Variants in PHYHIPL observed in about 807,000 individuals in gnomAD.
PHYHIPL encodes phytanoyl-CoA hydroxylase-interacting protein-like.
PHYHIPL carries 9 observed loss-of-function variants against 33.4 expected under a neutral mutation model. That is an observed-to-expected ratio of 0.27 (90% CI 0.16 to 0.47). PHYHIPL has a LOEUF of 0.47. Ranked by LOEUF, PHYHIPL falls within the 20% of genes least tolerant of loss-of-function variation. The pLI is 0.99. For missense variants in PHYHIPL, 365 were observed against 460.7 expected (o/e 0.79, Z 1.90); for synonymous variants, 153 against 154.1 (o/e 0.99, Z 0.05).
intron 1 of PHYHIPL, among the ~76,000 whole-genome samples, chr10:59,184,723 G>C (rs1009772146): frequency 6.6e-6 from 1 of 151,442 alleles, no homozygotes; most frequent in African/African-American, 2.4e-5. Context: ...ATGTATACAT[G>C]TGCCATGTTG....
At chr10:59,183,831 A>T (rs1838483269) in intron 1 of PHYHIPL, among the ~76,000 whole-genome samples, 1 of 152,178 alleles carries the variant, frequency 6.6e-6, no homozygotes, top group East Asian at 1.9e-4. Context: ...AACTAGTGTA[A>T]ATAGATCTGT....
At chr10:59,220,651 A>T (rs1194666225) in intron 1 of PHYHIPL, among the ~76,000 whole-genome samples, 1 of 152,076 alleles carries the variant, frequency 6.6e-6, no homozygotes, top group Non-Finnish European at 1.5e-5. Context: ...TATTTTACAA[A>T]TACAGAACAA....
At chr10:59,182,377 C>G (rs542822575) in intron 1 of PHYHIPL, among the ~76,000 whole-genome samples, 10 of 152,094 alleles carry the variant, frequency 6.6e-5, no homozygotes, top group South Asian at 2.1e-4. Context: ...GAGTTTCGCT[C>G]TTTCACCCAG....
At position 59,246,075 on chromosome 10, in the gene PHYHIPL, T is replaced by TA. The variant is rs1840675445; in HGVS notation, c.*485dup. ...CTTCCAACTTCTTGTTTGACAGTGTTATTTATGTTATTTATATTAGCTAAC... is the reference window on the plus strand; with the variant it reads ...CTTCCAACTTCTTGTTTGACAGTGTTAATTTATGTTATTTATATTAGCTAAC... On this transcript the variant is annotated 3_prime_UTR_variant, in exon 5 of 5. Coordinates refer to ENST00000373880, the MANE Select transcript of PHYHIPL (RefSeq NM_032439.4). The TA allele has an allele frequency of 6.5e-6, 1 of 153,284 alleles. No individual in the cohort carries two copies. Among genetic ancestry groups the TA allele is most frequent in the South Asian group, 2.1e-4 (1 of 4,842 alleles). 9.5% of individuals were successfully genotyped at this position (153,284 alleles called of 1,614,324 possible).
chr10:59,220,009 G>A (rs1255056054), intron 1 of PHYHIPL, among the ~76,000 whole-genome samples: 1 of 152,070 alleles, frequency 6.6e-6, no homozygotes, highest in East Asian at 1.9e-4. Flanking sequence ...AACCAGTTCA[G>A]ACCCTAAGTT....
intron 1 of PHYHIPL, among the ~76,000 whole-genome samples, chr10:59,216,784 G>A (rs919334259): frequency 1.3e-5 from 2 of 151,982 alleles, no homozygotes; most frequent in African/African-American, 4.8e-5. Flanking sequence ...ATGAAGGGAA[G>A]CAAAGAAATG....
chr10:59,185,505 G>A (rs1838567599), intron 1 of PHYHIPL, among the ~76,000 whole-genome samples: 1 of 152,186 alleles, frequency 6.6e-6, no homozygotes, highest in Admixed American at 6.5e-5. Context: ...GGGTCAAATG[G>A]TATTTCTAAT....
intron 1 of PHYHIPL, among the ~76,000 whole-genome samples, chr10:59,178,027 A>G (rs1343657101): frequency 8.5e-5 from 13 of 152,204 alleles, no homozygotes; most frequent in Non-Finnish European, 1.8e-4. Flanking sequence ...ATACGCTCAC[A>G]GTAAGGTCAT....
At chr10:59,197,092 T>C (rs1838942921) in intron 1 of PHYHIPL, among the ~76,000 whole-genome samples, 1 of 152,208 alleles carries the variant, frequency 6.6e-6, no homozygotes, top group Non-Finnish European at 1.5e-5. Flanking sequence ...CTACCTATGA[T>C]AGTCCTGTTT....
At chr10:59,189,329 G>A (rs1482923016) in intron 1 of PHYHIPL, among the ~76,000 whole-genome samples, 1 of 151,984 alleles carries the variant, frequency 6.6e-6, no homozygotes, top group Non-Finnish European at 1.5e-5. Flanking sequence ...CTGTTAAATT[G>A]CTTTAAAAGT....
rs564565219 is a variant in PHYHIPL at position 59,231,105 on chromosome 10, CA to C, written c.107-3197del. Among the ~76,000 whole-genome samples, 82 of 7,780 alleles carry C rather than the reference CA, an allele frequency of 0.011. 1 individual carries two copies. The South Asian group carries it at 0.15, about 14-fold the overall frequency. 5.1% of individuals were successfully genotyped at this position (7,780 alleles called of 152,430 possible). On this transcript the variant is annotated intron_variant, in intron 1 of 4. Transcript: ENST00000373880. ...CATGGTAAACATTAGAAGAAAAAAA[CA>C]ATTTTTTTTCCTAAATACTTAAAGA...
intron 1 of PHYHIPL, among the ~76,000 whole-genome samples, chr10:59,207,315 AGC>A (rs1839312763): frequency 2.0e-5 from 3 of 152,176 alleles, no homozygotes; most frequent in African/African-American, 7.2e-5. Context: ...TCACCTGGGA[AGC>A]GCAAGGGGTC....
chr10:59,209,178 G>C lies in PHYHIPL; in HGVS notation c.107-25126G>C, dbSNP rs544073828. Among the ~76,000 whole-genome samples, 39 of 152,198 alleles carry C rather than the reference G, an allele frequency of 2.6e-4. No individual in the cohort carries two copies. In the South Asian group the frequency reaches 7.9e-3, roughly 31 times the overall value. On this transcript the variant is annotated intron_variant, in intron 1 of 4. Coordinates refer to ENST00000373880, the MANE Select transcript of PHYHIPL (RefSeq NM_032439.4). ...AAAAAATGTTAAGGGCAGCCAGAGA[G>C]AAAGGTTGGGTTACCCACAAAGGGA... is the stretch of plus-strand genomic sequence containing the variant.
chr10:59,188,904 C>A (rs1175832972), intron 1 of PHYHIPL, among the ~76,000 whole-genome samples: 11 of 151,746 alleles, frequency 7.2e-5, no homozygotes, highest in Non-Finnish European at 1.6e-4. Context: ...CACTGACAGG[C>A]CCTAGTTTTA....
Position 59,238,701 on chromosome 10 carries a change from G to A in PHYHIPL, c.592G>A (p.Val198Ile), listed in dbSNP as rs756568589. 9.6e-6 allele frequency: 15 copies of A among 1,556,628 alleles called. No individual in the cohort carries two copies. The highest frequency in any genetic ancestry group is 1.3e-5 in the Non-Finnish European group (15 of 1,129,196). The stretch of plus-strand genomic sequence containing the variant: ...TCAGCACAAAGAATATTTTGACTAT[G>A]TTCGGTAAGATTCAAAAATATATAG... ...RNQHKEYFDYVREHHGNAMQP... is the reference protein window; with the variant it reads ...RNQHKEYFDYIREHHGNAMQP... The change falls in exon 4 of 5, where the codon GTT (valine) becomes ATT (isoleucine). Residue 198 changes from valine to isoleucine, a missense_variant. Transcript: ENST00000373880.
chr10:59,194,735 CTTAAG>C (rs1838864575), intron 1 of PHYHIPL, among the ~76,000 whole-genome samples: 1 of 152,136 alleles, frequency 6.6e-6, no homozygotes, highest in Non-Finnish European at 1.5e-5. Flanking sequence ...ACAACGGTTT[CTTAAG>C]TTATCTCTGA....
At chr10:59,238,364 A>G (rs939551905) in intron 3 of PHYHIPL, among the ~76,000 whole-genome samples, 1 of 152,018 alleles carries the variant, frequency 6.6e-6, no homozygotes, top group African/African-American at 2.4e-5. Context: ...GAAAAATGCA[A>G]GCAAAGGTAT....
At chr10:59,217,211 A>C (rs1224789106) in intron 1 of PHYHIPL, among the ~76,000 whole-genome samples, 1 of 152,104 alleles carries the variant, frequency 6.6e-6, no homozygotes, top group Non-Finnish European at 1.5e-5. Flanking sequence ...TTTGAAGTGG[A>C]GAAAAATGGT....
At chr10:59,227,267 G>A (rs574931141) in intron 1 of PHYHIPL, among the ~76,000 whole-genome samples, 28 of 152,258 alleles carry the variant, frequency 1.8e-4, no homozygotes, top group African/African-American at 6.5e-4. Flanking sequence ...GGTGAGGGTC[G>A]TGTGCTGTGT....
Sources: allele counts gnomAD v4.1 joint callset (sites outside exome capture counted in the v4.1 genomes callset), GRCh38; gene constraint gnomAD v4.1.1; transcripts MANE v1.5; gene names NCBI Gene and HGNC (gene_info 2026-07-23, HGNC 2026-07-21).